The following TM2D1 variants were observed in gnomAD, a reference collection of about 807,000 sequenced individuals.
TM2D1 encodes TM2 domain-containing protein 1.
A neutral mutation model predicts 28.4 loss-of-function variants in TM2D1; 15 were observed. That is an observed-to-expected ratio of 0.53 (90% CI 0.35 to 0.81). The LOEUF is 0.81. Among genes scored for constraint, TM2D1 ranks in the 40% least tolerant of loss-of-function variants. TM2D1 has a pLI of 0.01. For missense variants in TM2D1, 236 were observed against 254.9 expected (o/e 0.93, Z 0.50); for synonymous variants, 93 against 96.2 (o/e 0.97, Z 0.20).
In TM2D1 at chr1:61,724,944, CCA is replaced by C; in HGVS notation, c.164+11_164+12del. ...CCTCGCCTCCATGGGGGGGTGTTCTCCACAGAGGATATTGTCCCACTTTGAGG... is the reference window on the plus strand; with the variant it reads ...CCTCGCCTCCATGGGGGGGTGTTCTCCAGAGGATATTGTCCCACTTTGAGG... On this transcript the variant is annotated intron_variant, in intron 1 of 6. Coordinates refer to ENST00000606498, the MANE Select transcript of TM2D1 (RefSeq NM_032027.3). 1 of 1,586,372 alleles carries C rather than the reference CCA, an allele frequency of 6.3e-7. No homozygotes were observed. The highest frequency in any genetic ancestry group is 1.3e-5 in the African/African-American group (1 of 74,446).
At chr1:61,684,724 TATTTTA>T (rs1386070399) in intron 5 of TM2D1, among the ~76,000 whole-genome samples, 2 of 152,186 alleles carry the variant, frequency 1.3e-5, no homozygotes, top group Non-Finnish European at 2.9e-5. Context: ...AATTTTTAAA[TATTTTA>T]ATTTTAATGA....
rs563729683 is a variant in TM2D1 at position 61,705,656 on chromosome 1, A to G, written c.347+3673T>C. Among the ~76,000 whole-genome samples, 35 of 152,242 alleles carry G rather than the reference A, an allele frequency of 2.3e-4. 1 individual carries two copies. The highest frequency in any genetic ancestry group is 7.7e-4 in the African/African-American group (32 of 41,562). ...CAAAGGTTTCCCTCTCCTCTTTCCC[A>G]TCTGCTGCCTTAGTGGAAAGGACTC... On this transcript the variant is annotated intron_variant, in intron 3 of 6. Coordinates refer to ENST00000606498, the MANE Select transcript of TM2D1 (RefSeq NM_032027.3).
intron 2 of TM2D1, among the ~76,000 whole-genome samples, chr1:61,715,077 T>C (rs1040298469): frequency 3.9e-5 from 6 of 152,182 alleles, no homozygotes; most frequent in African/African-American, 9.7e-5. Context: ...AATTTTGACA[T>C]ACATTTGAGC....
At chr1:61,703,017 A>G (rs1456265771) in intron 3 of TM2D1, among the ~76,000 whole-genome samples, 1 of 151,490 alleles carries the variant, frequency 6.6e-6, no homozygotes, top group Non-Finnish European at 1.5e-5. Flanking sequence ...GAGGCATGAG[A>G]ATCGCTTGAA....
chr1:61,715,395 T>C (rs1310655998), intron 2 of TM2D1, among the ~76,000 whole-genome samples: 1 of 152,022 alleles, frequency 6.6e-6, no homozygotes, highest in Non-Finnish European at 1.5e-5. Flanking sequence ...CTGGGCATGG[T>C]AGCTCACGTC....
At position 61,704,049 on chromosome 1, in the gene TM2D1, TC is replaced by T. The variant is rs1363571047; in HGVS notation, c.348-3025del. On this transcript the variant is annotated intron_variant, in intron 3 of 6. Coordinates refer to ENST00000606498, the MANE Select transcript of TM2D1 (RefSeq NM_032027.3). The stretch of plus-strand genomic sequence containing the variant: ...GGGATTACAGGCACCAGCCACCACA[TC>T]CAGCTAATTTTTGTATTTTTAGTAA... 5.9e-4 allele frequency among the ~76,000 whole-genome samples: 86 copies of T among 145,580 alleles called. 1 individual carries two copies. Among genetic ancestry groups the T allele is most frequent in the African/African-American group, 2.1e-3 (84 of 39,262 alleles).
chr1:61,713,085 G>A lies in TM2D1; in HGVS notation c.239-3648C>T, dbSNP rs190175571. 9.2e-5 allele frequency among the ~76,000 whole-genome samples: 14 copies of A among 151,710 alleles called. No individual in the cohort carries two copies. The East Asian group carries it at 1.8e-3, about 19-fold the overall frequency. On this transcript the variant is annotated intron_variant, in intron 2 of 6. Transcript: ENST00000606498. ...CTTGGGAGGCTGAGGCAGGAGGATCGCTTGAACCCAGGAGGCAGAGGTTGT... is the reference window on the plus strand; with the variant it reads ...CTTGGGAGGCTGAGGCAGGAGGATCACTTGAACCCAGGAGGCAGAGGTTGT...
chr1:61,684,266 G>A (rs1398791734), intron 5 of TM2D1, among the ~76,000 whole-genome samples: 1 of 152,144 alleles, frequency 6.6e-6, no homozygotes. Flanking sequence ...ATTTACCAAG[G>A]TGTATGTGGG....
intron 4 of TM2D1, among the ~76,000 whole-genome samples, chr1:61,696,667 T>G (rs917619544): frequency 1.3e-5 from 2 of 152,180 alleles, no homozygotes; most frequent in Non-Finnish European, 2.9e-5. Flanking sequence ...TGGCTTTTTT[T>G]GTGCCATTTT....
chr1:61,706,900 C>T (rs984428705), intron 3 of TM2D1, among the ~76,000 whole-genome samples: 1 of 142,026 alleles, frequency 7.0e-6, no homozygotes, highest in Non-Finnish European at 1.6e-5. Flanking sequence ...AATAAGCTGG[C>T]CAGTAGCCTT....
At chr1:61,689,427 A>C (rs1644308181) in intron 5 of TM2D1, among the ~76,000 whole-genome samples, 1 of 152,142 alleles carries the variant, frequency 6.6e-6, no homozygotes, top group Non-Finnish European at 1.5e-5. Flanking sequence ...GTAGTACTAC[A>C]ATCACAGTTC....
At chr1:61,709,589 G>A (rs918416256) in intron 2 of TM2D1, among the ~76,000 whole-genome samples, 152 bp from the exon 3 acceptor site, 6 of 152,002 alleles carry the variant, frequency 3.9e-5, no homozygotes, top group South Asian at 2.1e-4. Context: ...GTGACACTAC[G>A]TATGTACTTA....
At position 61,702,566 on chromosome 1, in the gene TM2D1, C is replaced by G. The variant is rs111625153; in HGVS notation, c.348-1541G>C. 3.3e-3 allele frequency among the ~76,000 whole-genome samples: 498 copies of G among 150,758 alleles called. 3 individuals carry two copies. The highest frequency in any genetic ancestry group is 5.9e-3 in the Non-Finnish European group (398 of 67,756). Reference sequence around the variant, plus strand: ...GTATTTTTGTAGAAAAGGGGTTTCACCATGTTAGCCAGGCTGGTATCAAAC... The same window carrying G: ...GTATTTTTGTAGAAAAGGGGTTTCAGCATGTTAGCCAGGCTGGTATCAAAC... On this transcript the variant is annotated intron_variant, in intron 3 of 6. Coordinates refer to ENST00000606498, the MANE Select transcript of TM2D1 (RefSeq NM_032027.3).
intron 1 of TM2D1, 139 bp downstream of exon 1, chr1:61,724,818 G>T: frequency 2.1e-6 from 2 of 962,834 alleles, no homozygotes; most frequent in Non-Finnish European, 1.4e-6. Flanking sequence ...CACCTTCAGG[G>T]ATCCTTCAGT....
chr1:61,682,897 A>G (rs77953854), intron 6 of TM2D1, among the ~76,000 whole-genome samples: 1 of 150,218 alleles, frequency 6.7e-6, no homozygotes. Context: ...TGTCTCAAAA[A>G]AAAAAAAAAA....
intron 1 of TM2D1, 132 bp from the exon 2 acceptor site, chr1:61,723,918 A>C: frequency 2.1e-6 from 1 of 481,526 alleles, no homozygotes; most frequent in Non-Finnish European, 3.7e-6. Flanking sequence ...CAAGTCAATA[A>C]GCATATGTAC....
intron 2 of TM2D1, among the ~76,000 whole-genome samples, chr1:61,715,341 A>C (rs533213000): frequency 6.6e-6 from 1 of 152,112 alleles, no homozygotes; most frequent in East Asian, 1.9e-4. Flanking sequence ...GACATGGGAC[A>C]TATCTTTTAT....
At chr1:61,708,124 C>A (rs1644453682) in intron 3 of TM2D1, among the ~76,000 whole-genome samples, 1 of 152,120 alleles carries the variant, frequency 6.6e-6, no homozygotes, top group Non-Finnish European at 1.5e-5. Flanking sequence ...TCATAGCTCA[C>A]TACAACCTCA....
intron 2 of TM2D1, among the ~76,000 whole-genome samples, chr1:61,715,332 A>G (rs544584497): frequency 6.6e-6 from 1 of 152,256 alleles, no homozygotes; most frequent in Admixed American, 6.5e-5. Flanking sequence ...CCAATCTGTG[A>G]CATGGGACAT....
Sources: gnomAD v4.1 joint callset for allele counts (sites outside exome capture counted in the v4.1 genomes callset) on GRCh38, gnomAD v4.1.1 for gene constraint, MANE v1.5 for transcripts, NCBI Gene and HGNC (gene_info 2026-07-23, HGNC 2026-07-21) for gene names.